The following DPY19L3 variants were observed in gnomAD, a reference collection of about 807,000 sequenced individuals.
The protein encoded by DPY19L3 is dpy-19 like C-mannosyltransferase 3.
Under a neutral mutation model 92.3 loss-of-function variants are expected in DPY19L3, and 51 were observed. That is an observed-to-expected ratio of 0.55 (90% CI 0.44 to 0.70). DPY19L3 has a LOEUF of 0.70. Among genes scored for constraint, DPY19L3 ranks in the 30% least tolerant of loss-of-function variants. DPY19L3 has a pLI of 0.00. For missense variants in DPY19L3, 706 were observed against 855.9 expected, an observed-to-expected ratio of 0.82 and a Z score of 2.18; for synonymous variants, 309 against 315.2, an observed-to-expected ratio of 0.98 and a Z score of 0.21.
intron 16 of DPY19L3, among the ~76,000 whole-genome samples, chr19:32,477,005 T>C (rs1970531862): frequency 6.6e-6 from 1 of 152,158 alleles, no homozygotes; most frequent in Non-Finnish European, 1.5e-5. Context: ...TCTGGCTTGA[T>C]GATTTGTTAC....
intron 10 of DPY19L3, among the ~76,000 whole-genome samples, chr19:32,457,218 G>A (rs998104678): frequency 6.6e-6 from 1 of 152,164 alleles, no homozygotes; most frequent in Non-Finnish European, 1.5e-5. Context: ...ACAACAAGAG[G>A]AAGTAGAGAA....
intron 3 of DPY19L3, among the ~76,000 whole-genome samples, chr19:32,432,054 G>A (rs571906612): frequency 3.5e-4 from 54 of 152,266 alleles, no homozygotes; most frequent in African/African-American, 1.3e-3. Flanking sequence ...TCATCTAACA[G>A]TATTAATTGG....
chr19:32,433,698 T>C (rs1232369178), intron 4 of DPY19L3, among the ~76,000 whole-genome samples: 3 of 152,180 alleles, frequency 2.0e-5, no homozygotes, highest in South Asian at 2.1e-4. Context: ...GTTGGAATTA[T>C]AGGCATGAGC....
At chr19:32,414,202 C>T (rs1968298245) in intron 3 of DPY19L3, among the ~76,000 whole-genome samples, 1 of 151,914 alleles carries the variant, frequency 6.6e-6, no homozygotes, top group African/African-American at 2.4e-5. Context: ...GGGCGGATCA[C>T]GAGGTTAGGA....
intron 4 of DPY19L3, among the ~76,000 whole-genome samples, chr19:32,434,988 A>C (rs145589888): frequency 6.6e-6 from 1 of 152,208 alleles, no homozygotes; most frequent in Non-Finnish European, 1.5e-5. Context: ...GCCATAATGT[A>C]ATACCACAGA....
At chr19:32,414,203 G>A (rs1431867417) in intron 3 of DPY19L3, among the ~76,000 whole-genome samples, 4 of 152,040 alleles carry the variant, frequency 2.6e-5, no homozygotes, top group African/African-American at 4.8e-5. Context: ...GGCGGATCAC[G>A]AGGTTAGGAA....
At chr19:32,406,381 C>G (rs970427949) in intron 1 of DPY19L3, 1 of 152,214 alleles carries the variant, frequency 6.6e-6, no homozygotes, top group East Asian at 1.9e-4. Context: ...TTTTTAGAGA[C>G]AGGGGTCTCG....
In DPY19L3 at chr19:32,463,385, T is replaced by C. The variant is rs748599340; in HGVS notation, c.1342T>C (p.Ser448Pro). ...ACTCAGTGATTCTACAAATCAACAA[T>C]CCGTGGGTAAAATGGAAAAAGGCAC... ...HNLSDSTNQQ[S>P]VGKMEKGTVD... is the part of the protein sequence containing the mutation. The change falls in exon 13 of 19, where the codon TCC becomes CCC. Residue 448 changes from serine to proline, a missense_variant. Transcript: ENST00000392250. The C allele has an allele frequency of 8.7e-6, 14 of 1,613,662 alleles. No homozygotes were observed. In the African/African-American group the frequency reaches 1.3e-4, roughly 15 times the overall value.
chr19:32,438,700 A>T (rs28413861), intron 6 of DPY19L3, among the ~76,000 whole-genome samples: 1 of 152,124 alleles, frequency 6.6e-6, no homozygotes, highest in Non-Finnish European at 1.5e-5. Context: ...AAGTTTTTTT[A>T]AAAAATACTG....
chr19:32,434,638 G>A (rs952892334), intron 4 of DPY19L3, among the ~76,000 whole-genome samples: 6 of 152,226 alleles, frequency 3.9e-5, no homozygotes, highest in African/African-American at 7.2e-5. Flanking sequence ...CAGCCTGGGC[G>A]ACAGAGCGAG....
chr19:32,474,550 T>C (rs1005994714), intron 16 of DPY19L3, among the ~76,000 whole-genome samples: 1 of 152,222 alleles, frequency 6.6e-6, no homozygotes, highest in African/African-American at 2.4e-5. Flanking sequence ...CAGCACTGGG[T>C]TATTTTGAAG....
chr19:32,452,550 A>G (rs1599645572), intron 8 of DPY19L3, among the ~76,000 whole-genome samples: 2 of 152,374 alleles, frequency 1.3e-5, no homozygotes, highest in South Asian at 4.1e-4. Context: ...GCCCTTGCCA[A>G]TTCCCAGGAA....
chr19:32,429,279 T>C (rs1360253767), intron 3 of DPY19L3, among the ~76,000 whole-genome samples: 4 of 152,394 alleles, frequency 2.6e-5, no homozygotes, highest in East Asian at 1.9e-4. Flanking sequence ...GAAGTATTTG[T>C]TCGTTTTGCA....
At chr19:32,411,560 T>A in intron 3 of DPY19L3, 188 bp downstream of exon 3, 1 of 472,326 alleles carries the variant, frequency 2.1e-6, no homozygotes, top group Non-Finnish European at 3.5e-6. Flanking sequence ...TTTTTTTAAA[T>A]TTTTCTTTAT....
At chr19:32,430,791 C>CTT (rs11296711) in intron 3 of DPY19L3, among the ~76,000 whole-genome samples, 1 of 125,824 alleles carries the variant, frequency 7.9e-6, no homozygotes, top group African/African-American at 2.9e-5. Context: ...TGCCTGGCTA[C>CTT]TTTTTTTTTT....
chr19:32,411,996 C>T (rs1968200136), intron 3 of DPY19L3: 2 of 152,246 alleles, frequency 1.3e-5, no homozygotes, highest in Non-Finnish European at 2.9e-5. Flanking sequence ...CCTGCCTAAG[C>T]TTCCTGTGTC....
intron 9 of DPY19L3, among the ~76,000 whole-genome samples, chr19:32,454,453 A>C (rs1208703569): frequency 6.6e-6 from 1 of 152,182 alleles, no homozygotes; most frequent in Non-Finnish European, 1.5e-5. Flanking sequence ...AGGCGCCTGT[A>C]GTCCCAGCTA....
intron 16 of DPY19L3, among the ~76,000 whole-genome samples, chr19:32,473,617 C>T (rs1568361108): frequency 2.0e-5 from 3 of 152,114 alleles, no homozygotes; most frequent in African/African-American, 7.2e-5. Flanking sequence ...TCATTTTGTT[C>T]CACTTTGCTT....
At chr19:32,424,724 A>G (rs1044393377) in intron 3 of DPY19L3, among the ~76,000 whole-genome samples, 3 of 152,196 alleles carry the variant, frequency 2.0e-5, no homozygotes, top group African/African-American at 7.2e-5. Flanking sequence ...ACAGAAATTG[A>G]CAAGCTAGTC....
Sources: gnomAD v4.1 joint callset for allele counts (sites outside exome capture counted in the v4.1 genomes callset) on GRCh38, gnomAD v4.1.1 for gene constraint, MANE v1.5 for transcripts, NCBI Gene and HGNC (gene_info 2026-07-23, HGNC 2026-07-21) for gene names.